Variants in FAM107B observed in about 807,000 individuals in gnomAD.
FAM107B encodes family with sequence similarity 107 member B, also known as protein FAM107B.
A neutral mutation model predicts 31.5 loss-of-function variants in FAM107B; 21 were observed. That is an observed-to-expected ratio of 0.67 (90% CI 0.47 to 0.96). The LOEUF is 0.96. Ranked by LOEUF, FAM107B falls within the 40% of genes least tolerant of loss-of-function variation. The pLI is 0.00. For synonymous variants in FAM107B, 157 were observed against 141.5 expected (o/e 1.11, Z -0.78); for missense variants, 452 against 377.1 (o/e 1.20, Z -1.64).
At chr10:14,747,439 A>G (rs1000156738) in intron 1 of FAM107B, among the ~76,000 whole-genome samples, 3 of 152,068 alleles carry the variant, frequency 2.0e-5, no homozygotes, top group South Asian at 4.1e-4. Flanking sequence ...TCTAGCTTCA[A>G]TCTGTGTGGC....
intron 1 of FAM107B, among the ~76,000 whole-genome samples, chr10:14,708,598 C>A (rs1855571660): frequency 6.6e-6 from 1 of 151,938 alleles, no homozygotes; most frequent in African/African-American, 2.4e-5. Flanking sequence ...GGATCTTAAC[C>A]CAGTGGTATG....
intron 1 of FAM107B, among the ~76,000 whole-genome samples, chr10:14,747,413 C>T (rs574849617): frequency 6.7e-4 from 102 of 152,210 alleles, no homozygotes; most frequent in Non-Finnish European, 1.3e-3. Context: ...GCTTCTTTCT[C>T]ATCTTTGTGA....
intron 1 of FAM107B, among the ~76,000 whole-genome samples, chr10:14,684,263 G>C (rs1854919776): frequency 6.6e-6 from 1 of 152,114 alleles, no homozygotes. Flanking sequence ...GACCAGCCTG[G>C]CCAACATGGT....
At chr10:14,681,110 A>T (rs1182624651) in intron 1 of FAM107B, among the ~76,000 whole-genome samples, 1 of 152,208 alleles carries the variant, frequency 6.6e-6, no homozygotes, top group Non-Finnish European at 1.5e-5. Flanking sequence ...AAGTAGCTAC[A>T]GCAAAAGACA....
At chr10:14,753,174 C>T (rs1314865740) in intron 1 of FAM107B, among the ~76,000 whole-genome samples, 1 of 152,082 alleles carries the variant, frequency 6.6e-6, no homozygotes, top group Non-Finnish European at 1.5e-5. Context: ...ACAAACACAA[C>T]ACACAGAAAC....
Position 14,774,400 on chromosome 10 carries a change from A to G in FAM107B, c.264T>C (p.Ser88=). 3 of 1,614,180 alleles carry G rather than the reference A, an allele frequency of 1.9e-6. No homozygotes were observed. The highest frequency in any genetic ancestry group is 2.5e-6 in the Non-Finnish European group (3 of 1,180,030). Residue 88 remains serine, a synonymous_variant, in exon 1 of 5, where the codon AGT becomes AGC. Transcript: ENST00000181796. ...DSSTHAERNG[S]ANRNSSHRTA... is the part of the protein sequence containing the mutation. ...TGCGGTGACTTGAATTCCGATTCGCACTGCCATTTCTCTCTGCATGGGTGC... is the reference window on the plus strand; with the variant it reads ...TGCGGTGACTTGAATTCCGATTCGCGCTGCCATTTCTCTCTGCATGGGTGC...
rs1406935082 is a variant in FAM107B at position 14,541,645 on chromosome 10, G to A, written c.470-11130C>T. Among the ~76,000 whole-genome samples the A allele has an allele frequency of 4.6e-5, 7 of 152,116 alleles. No homozygotes were observed. The South Asian group carries it at 6.2e-4, about 14-fold the overall frequency. ...CGCCCCTTGCCTCAGGCACTTCCCC[G>A]CCTGTGGGCTAATTTCCCACGTTTC... On this transcript the variant is annotated intron_variant, in intron 2 of 4. Coordinates refer to ENST00000181796, the MANE Select transcript of FAM107B (RefSeq NM_031453.4).
chr10:14,615,366 T>C (rs1852824480), intron 2 of FAM107B, among the ~76,000 whole-genome samples: 2 of 152,278 alleles, frequency 1.3e-5, no homozygotes, highest in Non-Finnish European at 2.9e-5. Context: ...AATAATTTTC[T>C]ATAAGCTGAT....
intron 2 of FAM107B, among the ~76,000 whole-genome samples, chr10:14,619,203 C>T (rs936786758): frequency 1.3e-4 from 20 of 152,142 alleles, no homozygotes; most frequent in Non-Finnish European, 2.2e-4. Flanking sequence ...ACTCACTTTG[C>T]GATACTTTGT....
At chr10:14,549,326 G>A (rs1849038215) in intron 2 of FAM107B, among the ~76,000 whole-genome samples, 1 of 152,216 alleles carries the variant, frequency 6.6e-6, no homozygotes, top group South Asian at 2.1e-4. Context: ...GCTCCAAGCT[G>A]AAAGGGAAAC....
intron 2 of FAM107B, among the ~76,000 whole-genome samples, chr10:14,601,726 A>C (rs2131372807): frequency 6.6e-6 from 1 of 152,312 alleles, no homozygotes; most frequent in African/African-American, 2.4e-5. Context: ...TTTCCTTAAA[A>C]CACTTGCACA....
At chr10:14,548,646 G>T in intron 2 of FAM107B, 1 of 985,396 alleles carries the variant, frequency 1.0e-6, no homozygotes, top group Non-Finnish European at 1.2e-6. Flanking sequence ...GCGAAGGCAG[G>T]CACTCCCAGA....
intron 2 of FAM107B, among the ~76,000 whole-genome samples, chr10:14,569,086 T>C (rs12573811): frequency 0.022 from 3,318 of 152,290 alleles, 63 homozygotes; most frequent in East Asian, 0.089. Context: ...GAAAGGTCTG[T>C]TGCTCTTGGA....
intron 1 of FAM107B, among the ~76,000 whole-genome samples, chr10:14,692,398 G>GTTCT: frequency 6.6e-6 from 1 of 152,210 alleles, no homozygotes; most frequent in East Asian, 1.9e-4. Context: ...GAGTGGGGCT[G>GTTCT]AGGGTGGGGT....
intron 2 of FAM107B, among the ~76,000 whole-genome samples, chr10:14,596,155 T>C (rs925253602): frequency 1.3e-5 from 2 of 152,192 alleles, no homozygotes; most frequent in African/African-American, 4.8e-5. Context: ...ATATTTGCAC[T>C]TGTTTCTGCG....
chr10:14,699,284 A>G (rs1855340662), intron 1 of FAM107B, among the ~76,000 whole-genome samples: 1 of 152,188 alleles, frequency 6.6e-6, no homozygotes, highest in African/African-American at 2.4e-5. Context: ...AGATGTGGAG[A>G]AGGAGATTTC....
intron 2 of FAM107B, among the ~76,000 whole-genome samples, chr10:14,659,340 C>T (rs1854161142): frequency 6.6e-6 from 1 of 152,102 alleles, no homozygotes; most frequent in African/African-American, 2.4e-5. Flanking sequence ...CCTCCGGAGG[C>T]TGAGGCAGGA....
chr10:14,642,013 G>C (rs1383931253), intron 2 of FAM107B, among the ~76,000 whole-genome samples: 2 of 152,150 alleles, frequency 1.3e-5, no homozygotes, highest in Non-Finnish European at 2.9e-5. Flanking sequence ...TTCCTCTCCA[G>C]GTGTGAACTT....
At chr10:14,598,543 G>A (rs7910856) in intron 2 of FAM107B, among the ~76,000 whole-genome samples, 2,140 of 152,264 alleles carry the variant, frequency 0.014, 55 homozygotes, top group African/African-American at 0.048. Context: ...GTCAGGGACT[G>A]CAGTGGGGGA....
Sources: gnomAD v4.1 joint callset for allele counts (sites outside exome capture counted in the v4.1 genomes callset) on GRCh38, gnomAD v4.1.1 for gene constraint, MANE v1.5 for transcripts, NCBI Gene and HGNC (gene_info 2026-07-23, HGNC 2026-07-21) for gene names.